Variants in FRMD4B observed in about 807,000 individuals in gnomAD.
FRMD4B encodes FERM domain containing 4B.
In FRMD4B, 74 loss-of-function variants were observed where a neutral mutation model predicts 141.5. The ratio of observed to expected loss-of-function variants is 0.52; its 90% confidence interval spans 0.43 to 0.63. The LOEUF is 0.63. Among genes scored for constraint, FRMD4B ranks in the 30% least tolerant of loss-of-function variants. The probability of loss-of-function intolerance (pLI) is 0.00; values close to 1 mark genes in which losing one functional copy is unlikely to be tolerated. For synonymous variants in FRMD4B, 506 were observed against 467.9 expected (o/e 1.08, Z -1.05); for missense variants, 1,366 against 1,253.4 (o/e 1.09, Z -1.36).
At chr3:69,277,478 GTA>G (rs1200310368) in intron 5 of FRMD4B, among the ~76,000 whole-genome samples, 2 of 144,688 alleles carry the variant, frequency 1.4e-5, no homozygotes, top group African/African-American at 5.1e-5. Flanking sequence ...TAATGATATG[GTA>G]TATGTCTTGA....
intron 7 of FRMD4B, among the ~76,000 whole-genome samples, chr3:69,233,808 T>G (rs1022345317): frequency 6.6e-6 from 1 of 152,162 alleles, no homozygotes; most frequent in Non-Finnish European, 1.5e-5. Flanking sequence ...ATTGGAAACA[T>G]TTGCCAGTCT....
intron 3 of FRMD4B, among the ~76,000 whole-genome samples, chr3:69,307,052 T>C (rs2107196531): frequency 6.6e-6 from 1 of 151,998 alleles, no homozygotes; most frequent in South Asian, 2.1e-4. Flanking sequence ...ACAGCCCCGC[T>C]CATACTTCTT....
chr3:69,249,385 T>C, intron 6 of FRMD4B, 137 bp from the exon 7 acceptor site: 1 of 592,900 alleles, frequency 1.7e-6, no homozygotes, highest in Non-Finnish European at 3.0e-6. Flanking sequence ...GCTCTCCCTA[T>C]AGGCATAAGA....
At chr3:69,510,189 A>G (rs1394475790) in intron 1 of FRMD4B, among the ~76,000 whole-genome samples, 1 of 152,124 alleles carries the variant, frequency 6.6e-6, no homozygotes, top group Admixed American at 6.5e-5. Context: ...TAGAATACTT[A>G]GTATATAGTA....
At chr3:69,243,387 G>GA (rs1355470655) in intron 7 of FRMD4B, among the ~76,000 whole-genome samples, 3 of 152,164 alleles carry the variant, frequency 2.0e-5, no homozygotes, top group African/African-American at 7.2e-5. Context: ...GCCATGCGGA[G>GA]AAAAAATGAA....
At chr3:69,436,028 G>C (rs925013834) in intron 1 of FRMD4B, among the ~76,000 whole-genome samples, 47 of 152,096 alleles carry the variant, frequency 3.1e-4, no homozygotes, top group African/African-American at 1.1e-3. Flanking sequence ...AGAAAACTGA[G>C]ACCAATCAAA....
intron 1 of FRMD4B, among the ~76,000 whole-genome samples, chr3:69,473,026 T>G (rs1479946285): frequency 2.0e-5 from 3 of 149,454 alleles, no homozygotes; most frequent in Non-Finnish European, 4.4e-5. Context: ...AAATTTAAGA[T>G]CTAACTTCCA....
Position 69,260,475 on chromosome 3 carries a change from C to T in FRMD4B, c.502-10376G>A, listed in dbSNP as rs79223138. 5.1e-4 allele frequency among the ~76,000 whole-genome samples: 77 copies of T among 152,340 alleles called. No homozygotes were observed. In the East Asian group the frequency reaches 0.011, roughly 23 times the overall value. The stretch of plus-strand genomic sequence containing the variant: ...CAGCACTGCTGGCCCACCTGCGTCG[C>T]GCTCGAATTCTAGCCCAGCCTCAGC... On this transcript the variant is annotated intron_variant, in intron 5 of 22. Coordinates refer to ENST00000398540, the MANE Select transcript of FRMD4B (RefSeq NM_015123.3).
intron 7 of FRMD4B, among the ~76,000 whole-genome samples, chr3:69,243,783 C>T (rs1451517880): frequency 2.0e-5 from 3 of 152,284 alleles, no homozygotes; most frequent in Non-Finnish European, 2.9e-5. Context: ...CGGTGGCTCA[C>T]GCTTGTAATC....
intron 19 of FRMD4B, among the ~76,000 whole-genome samples, chr3:69,184,414 C>T (rs1232302106): frequency 2.6e-5 from 4 of 152,090 alleles, no homozygotes; most frequent in African/African-American, 7.2e-5. Flanking sequence ...TTACTATTTG[C>T]CTACAGTGTT....
intron 1 of FRMD4B, among the ~76,000 whole-genome samples, chr3:69,364,694 C>A (rs1392297463): frequency 1.3e-5 from 2 of 152,094 alleles, no homozygotes; most frequent in Non-Finnish European, 2.9e-5. Context: ...TTCATGGTCG[C>A]TCGTGGCTAT....
At chr3:69,340,247 G>C (rs1417068203) in intron 1 of FRMD4B, among the ~76,000 whole-genome samples, 1 of 152,026 alleles carries the variant, frequency 6.6e-6, no homozygotes, top group African/African-American at 2.4e-5. Context: ...TTGGTGTACA[G>C]ATGATTTTGT....
intron 1 of FRMD4B, among the ~76,000 whole-genome samples, chr3:69,515,220 C>G (rs752491992): frequency 2.6e-4 from 39 of 152,138 alleles, no homozygotes; most frequent in Non-Finnish European, 4.7e-4. Flanking sequence ...ATCACGAGAA[C>G]AGGACCAAGG....
rs149868579 is a variant in FRMD4B, at chr3:69,301,370, G to A, written c.416+973C>T. Among the ~76,000 whole-genome samples, 7 of 152,052 alleles carry A rather than the reference G, an allele frequency of 4.6e-5. No individual in the cohort carries two copies. The East Asian group carries it at 1.4e-3, about 30-fold the overall frequency. Reference sequence around the variant, plus strand: ...TGAGATGGAGTCTCACTATTGTCCAGGCTGGAGTGCAGTGGTACGATCTTG... The same window carrying A: ...TGAGATGGAGTCTCACTATTGTCCAAGCTGGAGTGCAGTGGTACGATCTTG... On this transcript the variant is annotated intron_variant, in intron 4 of 22. Coordinates refer to ENST00000398540, the MANE Select transcript of FRMD4B (RefSeq NM_015123.3).
chr3:69,477,218 C>T (rs1442131363), intron 1 of FRMD4B, among the ~76,000 whole-genome samples: 2 of 152,048 alleles, frequency 1.3e-5, no homozygotes, highest in Non-Finnish European at 1.5e-5. Flanking sequence ...CCTGATTTCT[C>T]TGGCCAGAAC....
intron 19 of FRMD4B, among the ~76,000 whole-genome samples, chr3:69,183,584 G>A (rs1337513566): frequency 5.6e-5 from 8 of 142,712 alleles, no homozygotes; most frequent in African/African-American, 1.1e-4. Context: ...CTGGGTTCAC[G>A]CCATTCTCCT....
intron 11 of FRMD4B, among the ~76,000 whole-genome samples, chr3:69,205,070 A>G (rs950086889): frequency 6.6e-6 from 1 of 150,918 alleles, no homozygotes; most frequent in Admixed American, 6.6e-5. Flanking sequence ...AAAAAAAAAA[A>G]AAAAGAAAAA....
At chr3:69,205,090 A>C (rs2093011598) in intron 11 of FRMD4B, among the ~76,000 whole-genome samples, 1 of 151,476 alleles carries the variant, frequency 6.6e-6, no homozygotes. Flanking sequence ...AGAGAAAAAA[A>C]GAGTAATTCT....
rs761068147 is a variant in FRMD4B, at chr3:69,171,843, A to G, written c.*18T>C. Reference sequence around the variant, plus strand: ...TAGTGTGAGAACGCAGTGCTTGGTCAGGAGGTCCAACTGCAGTTCAGACTA... The same window carrying G: ...TAGTGTGAGAACGCAGTGCTTGGTCGGGAGGTCCAACTGCAGTTCAGACTA... On this transcript the variant is annotated 3_prime_UTR_variant, in exon 23 of 23. Coordinates refer to ENST00000398540, the MANE Select transcript of FRMD4B (RefSeq NM_015123.3). The G allele has an allele frequency of 2.3e-5, 37 of 1,608,554 alleles. 1 individual carries two copies. In the Admixed American group the frequency reaches 6.0e-4, roughly 26 times the overall value.
Sources: gnomAD v4.1 joint callset for allele counts (sites outside exome capture counted in the v4.1 genomes callset) on GRCh38, gnomAD v4.1.1 for gene constraint, MANE v1.5 for transcripts, NCBI Gene and HGNC (gene_info 2026-07-23, HGNC 2026-07-21) for gene names.